Variants in KLRG1 observed in about 807,000 individuals in gnomAD.
KLRG1 encodes killer cell lectin like receptor G1.
In KLRG1, 16 loss-of-function variants were observed where a neutral mutation model predicts 21.8. That is an observed-to-expected ratio of 0.73 (90% CI 0.50 to 1.11). The LOEUF (loss-of-function observed/expected upper bound fraction) is 1.11. Ranked by LOEUF, KLRG1 falls within the 50% of genes most tolerant of loss-of-function variation. The pLI is 0.00. For synonymous variants in KLRG1, 69 were observed against 75.9 expected (o/e 0.91, Z 0.47); for missense variants, 173 against 218.3 (o/e 0.79, Z 1.31).
chr12:9,192,724 G>C, the KLRG1 span: 1 of 1,609,696 alleles, frequency 6.2e-7, no homozygotes, highest in Non-Finnish European at 8.5e-7. Context: ...CACAAGTTGG[G>C]ATGCACAGTG....
At chr12:9,155,758 CAAAATA>C in the KLRG1 span, 2 of 152,490 alleles carry the variant, frequency 1.3e-5, no homozygotes, top group Admixed American at 6.6e-5. Flanking sequence ...AAATCATGGT[CAAAATA>C]AATGAAGATC....
the KLRG1 span, among the ~76,000 whole-genome samples, chr12:9,184,636 C>T: frequency 1.3e-5 from 2 of 152,248 alleles, no homozygotes; most frequent in Admixed American, 1.3e-4. Context: ...TACCATCCTG[C>T]AAAGTGCTTT....
chr12:9,064,045 C>G, the KLRG1 span, among the ~76,000 whole-genome samples: 1 of 152,110 alleles, frequency 6.6e-6, no homozygotes, highest in Non-Finnish European at 1.5e-5. The surrounding 1 kb of genome is among the most constrained non-coding windows in gnomAD (Gnocchi z 4.0). Flanking sequence ...GTTCTGTGCC[C>G]TGGCTTGATA....
At chr12:8,992,040 G>T in intron 1 of KLRG1, 166 bp from the exon 2 acceptor site, 1 of 565,726 alleles carries the variant, frequency 1.8e-6, no homozygotes. Flanking sequence ...GGTTACCTTA[G>T]ACTTTAGAGC....
At chr12:9,169,541 C>T in the KLRG1 span, 2 of 1,612,888 alleles carry the variant, frequency 1.2e-6, no homozygotes, top group Non-Finnish European at 1.7e-6. Flanking sequence ...CCTGCTGGTC[C>T]ACATTGTCAG....
chr12:8,956,555 C>T (rs1212513781), intron 1 of KLRG1, among the ~76,000 whole-genome samples: 2 of 152,134 alleles, frequency 1.3e-5, no homozygotes, highest in East Asian at 3.8e-4. Flanking sequence ...AAGTGATTCT[C>T]CTGCCTCAGC....
At chr12:9,197,714 A>G in the KLRG1 span, among the ~76,000 whole-genome samples, 1 of 87,276 alleles carries the variant, frequency 1.1e-5, no homozygotes, top group African/African-American at 4.9e-5. Context: ...ATTATACAAT[A>G]CATAATATAT....
At chr12:9,098,539 A>G in the KLRG1 span, 1 of 1,513,352 alleles carries the variant, frequency 6.6e-7, no homozygotes, top group South Asian at 1.2e-5. Flanking sequence ...CTACTTATCC[A>G]GTCATTTTTC....
chr12:9,072,876 TAGAGACAGATGAGTG>T, the KLRG1 span: 1 of 1,611,632 alleles, frequency 6.2e-7, no homozygotes, highest in South Asian at 1.1e-5. Flanking sequence ...TGTGTCCTGT[TAGAGACAGATGAGTG>T]AGAGAACCCA....
At chr12:9,027,920 T>C in the KLRG1 span, 1 of 881,278 alleles carries the variant, frequency 1.1e-6, no homozygotes, top group East Asian at 2.4e-5. Context: ...TTTGGCTAGA[T>C]GAAGCGCTAG....
the KLRG1 span, chr12:9,197,070 T>G: frequency 8.1e-6 from 13 of 1,613,500 alleles, no homozygotes; most frequent in Non-Finnish European, 1.1e-5. Context: ...ACGAGATAAT[T>G]TTCTACACAG....
At chr12:9,129,751 T>C in the KLRG1 span, among the ~76,000 whole-genome samples, 6 of 152,142 alleles carry the variant, frequency 3.9e-5, no homozygotes, top group Non-Finnish European at 5.9e-5. Context: ...GATTTCACCG[T>C]GTTAGCCAGG....
the KLRG1 span, among the ~76,000 whole-genome samples, chr12:9,147,625 G>A: frequency 6.6e-6 from 1 of 152,212 alleles, no homozygotes; most frequent in East Asian, 1.9e-4. Flanking sequence ...GGACAGGGGG[G>A]AAGCCTGGGG....
intron 1 of KLRG1, among the ~76,000 whole-genome samples, chr12:8,977,725 A>G (rs1435150526): frequency 6.6e-6 from 1 of 151,918 alleles, no homozygotes; most frequent in Non-Finnish European, 1.5e-5. Context: ...TCTTTTCTGT[A>G]ACACTTAGTG....
At chr12:9,172,237 A>G in the KLRG1 span, among the ~76,000 whole-genome samples, 7 of 152,228 alleles carry the variant, frequency 4.6e-5, no homozygotes, top group Admixed American at 4.6e-4. Context: ...ATACCTGGCC[A>G]AACTAAGCTT....
the KLRG1 span, among the ~76,000 whole-genome samples, chr12:9,145,442 C>A: frequency 6.6e-6 from 1 of 152,166 alleles, no homozygotes; most frequent in Non-Finnish European, 1.5e-5. Context: ...CATACAAAAA[C>A]TTTGCCCTTT....
chr12:9,096,784 T>C, the KLRG1 span, among the ~76,000 whole-genome samples: 174 of 152,366 alleles, frequency 1.1e-3, no homozygotes, highest in Middle Eastern at 0.027. Context: ...TATTGTGGCA[T>C]ATTGCATAAT....
At chr12:8,954,268 AG>A (rs1037870451) in intron 1 of KLRG1, among the ~76,000 whole-genome samples, 2 of 152,088 alleles carry the variant, frequency 1.3e-5, no homozygotes, top group African/African-American at 2.4e-5. Context: ...GATGGTTACC[AG>A]GGGCGGGGTA....
chr12:9,203,378 G>T, the KLRG1 span, among the ~76,000 whole-genome samples: 2 of 118,634 alleles, frequency 1.7e-5, no homozygotes, highest in East Asian at 4.9e-4. Context: ...GTCTCGCTCT[G>T]TCGCCCAGGC....
Sources: gnomAD v4.1 joint callset for allele counts (sites outside exome capture counted in the v4.1 genomes callset) on GRCh38, gnomAD v4.1.1 for gene constraint, Gnocchi (gnomAD v3.1) non-coding constraint, MANE v1.5 for transcripts, NCBI Gene and HGNC (gene_info 2026-07-23, HGNC 2026-07-21) for gene names.